Variants in MRPS6 observed in about 807,000 individuals in gnomAD.
MRPS6 encodes small ribosomal subunit protein bS6m.
MRPS6 carries 6 observed loss-of-function variants against 13.1 expected under a neutral mutation model. That is an observed-to-expected ratio of 0.46 (90% CI 0.25 to 0.91). The LOEUF is 0.91. Among genes scored for constraint, MRPS6 ranks in the 40% least tolerant of loss-of-function variants. MRPS6 has a pLI of 0.18. For synonymous variants in MRPS6, 61 were observed against 56.5 expected (o/e 1.08, Z -0.36); for missense variants, 164 against 155.6 (o/e 1.05, Z -0.29).
intron 1 of MRPS6, chr21:34,104,214 T>C (rs1205481546): frequency 1.0e-6 from 1 of 1,000,030 alleles, no homozygotes; most frequent in East Asian, 1.1e-4. Context: ...TGAAGCATAT[T>C]TGCTAGAGGA....
intron 1 of MRPS6, among the ~76,000 whole-genome samples, chr21:34,092,518 G>T (rs73363308): frequency 3.3e-5 from 5 of 152,142 alleles, no homozygotes; most frequent in African/African-American, 4.8e-5. Flanking sequence ...TGGGCAGAGC[G>T]ACTTTACTAG....
At chr21:34,076,303 C>T (rs1989329528) in intron 1 of MRPS6, among the ~76,000 whole-genome samples, 1 of 152,160 alleles carries the variant, frequency 6.6e-6, no homozygotes, top group South Asian at 2.1e-4. Context: ...CCTAGCTTGA[C>T]TCCTTTAAAT....
At chr21:34,109,684 A>T (rs2148664308) in intron 1 of MRPS6, among the ~76,000 whole-genome samples, 1 of 152,164 alleles carries the variant, frequency 6.6e-6, no homozygotes, top group East Asian at 1.9e-4. Flanking sequence ...CACTTCCCAG[A>T]GGTGCCCAGT....
At chr21:34,106,804 C>G (rs1232099128) in intron 1 of MRPS6, among the ~76,000 whole-genome samples, 3 of 152,162 alleles carry the variant, frequency 2.0e-5, no homozygotes, top group African/African-American at 7.2e-5. Context: ...TTCCTGGGTC[C>G]AGTAATGTCT....
At chr21:34,082,790 G>A (rs776757537) in intron 1 of MRPS6, among the ~76,000 whole-genome samples, 54 of 151,856 alleles carry the variant, frequency 3.6e-4, no homozygotes, top group East Asian at 1.2e-3. Flanking sequence ...CAAATAAAAC[G>A]AACTCAGATC....
At chr21:34,097,997 T>C in intron 1 of MRPS6, 1 of 999,206 alleles carries the variant, frequency 1.0e-6, no homozygotes, top group South Asian at 4.7e-5. Flanking sequence ...AGTTCCTTTT[T>C]TTTTTTCTTT....
intron 2 of MRPS6, among the ~76,000 whole-genome samples, chr21:34,140,184 A>G (rs1281848839): frequency 1.6e-4 from 23 of 145,590 alleles, no homozygotes; most frequent in Admixed American, 1.6e-3. Context: ...CTCTTTTCCT[A>G]GTTTCTTAAA....
intron 1 of MRPS6, among the ~76,000 whole-genome samples, chr21:34,086,407 C>A (rs1314206420): frequency 6.6e-6 from 1 of 152,092 alleles, no homozygotes; most frequent in Non-Finnish European, 1.5e-5. Flanking sequence ...GTACTCATAG[C>A]CTGGGTGCAT....
Position 34,115,009 on chromosome 21 carries a change from T to C in MRPS6, c.46-10332T>C, listed in dbSNP as rs142148539. ...TGGATGGGTAAGTGTAGTTTATGAC[T>C]TAAAGGCATTTTGCCTACCTTGCAG... On this transcript the variant is annotated intron_variant, in intron 1 of 2. Transcript: ENST00000399312. 5.9e-3 allele frequency among the ~76,000 whole-genome samples: 902 copies of C among 152,332 alleles called. 12 individuals carry two copies. Among genetic ancestry groups the C allele is most frequent in the African/African-American group, 0.02 (852 of 41,582 alleles).
intron 1 of MRPS6, among the ~76,000 whole-genome samples, chr21:34,112,505 T>TG (rs1299704914): frequency 6.6e-6 from 1 of 152,192 alleles, no homozygotes; most frequent in Non-Finnish European, 1.5e-5. Flanking sequence ...TTTTTAAAGT[T>TG]GTGCAACCAT....
chr21:34,097,005 G>A (rs1205949697), intron 1 of MRPS6: 1 of 1,614,118 alleles, frequency 6.2e-7, no homozygotes, highest in Non-Finnish European at 8.5e-7. Flanking sequence ...GCCTGAAGAT[G>A]TTAATCTGTT....
intron 1 of MRPS6, among the ~76,000 whole-genome samples, chr21:34,108,980 G>A (rs16991227): frequency 0.012 from 1,751 of 152,206 alleles, 38 homozygotes; most frequent in South Asian, 0.08. Flanking sequence ...TCCTGGACTG[G>A]TACACTTGGT....
Position 34,073,673 on chromosome 21 carries a change from C to T in MRPS6, c.-28C>T. Reference sequence around the variant, plus strand: ...TCGCGTCCCGGGAACCGGCTGGCTTCCGAGCCGCACTCGCCGATCCTCCAG... The same window carrying T: ...TCGCGTCCCGGGAACCGGCTGGCTTTCGAGCCGCACTCGCCGATCCTCCAG... On this transcript the variant is annotated 5_prime_UTR_variant, in exon 1 of 3. Transcript: ENST00000399312. The T allele has an allele frequency of 6.6e-7, 1 of 1,512,682 alleles. No homozygotes were observed. The highest frequency in any genetic ancestry group is 8.9e-7 in the Non-Finnish European group (1 of 1,122,948). The allele number at this position is 1,512,682 out of a possible 1,614,324, so 93.7% of individuals were successfully genotyped here. A position where few individuals can be genotyped will look rare whatever the true frequency, so the allele number is the denominator to read the frequency against.
At chr21:34,118,578 A>G (rs1051070758) in intron 1 of MRPS6, among the ~76,000 whole-genome samples, 12 of 112,738 alleles carry the variant, frequency 1.1e-4, no homozygotes, top group African/African-American at 6.4e-4. Flanking sequence ...TTTTTTTGAG[A>G]CAGAGTCTCA....
rs537558990 is a variant in MRPS6 at position 34,104,540 on chromosome 21, A to G, written c.46-20801A>G. 33 of 998,746 alleles carry G rather than the reference A, an allele frequency of 3.3e-5. No individual in the cohort carries two copies. The Admixed American group carries it at 1.5e-3, about 46-fold the overall frequency. 61.9% of individuals were successfully genotyped at this position (998,746 alleles called of 1,614,324 possible). A position where few individuals can be genotyped will look rare whatever the true frequency, so the allele number is the denominator to read the frequency against. On this transcript the variant is annotated intron_variant, in intron 1 of 2. Transcript: ENST00000399312. ...AGGGAAAGACTTGGTCAACTCTAAT[A>G]TATCTAGAAGGAAGACTATATCTGG...
chr21:34,074,197 C>G (rs1338704717), intron 1 of MRPS6, among the ~76,000 whole-genome samples: 1 of 150,520 alleles, frequency 6.6e-6, no homozygotes, highest in East Asian at 1.9e-4. Context: ...CTCCGCCGCC[C>G]GCCGGCTGCC....
intron 2 of MRPS6, among the ~76,000 whole-genome samples, chr21:34,128,712 A>G (rs1025206528): frequency 6.6e-6 from 1 of 152,188 alleles, no homozygotes; most frequent in Non-Finnish European, 1.5e-5. Flanking sequence ...TAGTCCACAG[A>G]GATTTTCTTA....
intron 1 of MRPS6, among the ~76,000 whole-genome samples, chr21:34,117,658 G>A (rs899109319): frequency 6.6e-6 from 1 of 152,108 alleles, no homozygotes; most frequent in African/African-American, 2.4e-5. Context: ...CCAGATAAAT[G>A]TTAAGTTGAA....
intron 1 of MRPS6, among the ~76,000 whole-genome samples, chr21:34,091,203 A>G (rs1978667192): frequency 6.6e-6 from 1 of 152,128 alleles, no homozygotes; most frequent in Non-Finnish European, 1.5e-5. Flanking sequence ...ATTGACTCCA[A>G]AGCTAAAAGA....
Sources: allele counts gnomAD v4.1 joint callset (sites outside exome capture counted in the v4.1 genomes callset), GRCh38; gene constraint gnomAD v4.1.1; transcripts MANE v1.5; gene names NCBI Gene and HGNC (gene_info 2026-07-23, HGNC 2026-07-21).